Variants in ANKFN1 observed in about 807,000 individuals in gnomAD.
ANKFN1 encodes the protein ankyrin repeat and fibronectin type-III domain-containing protein 1.
Under a neutral mutation model 108.7 loss-of-function variants are expected in ANKFN1, and 74 were observed. That is an observed-to-expected ratio of 0.68 (90% confidence interval 0.56 to 0.83). ANKFN1 has a LOEUF of 0.83. Ranked by LOEUF, ANKFN1 falls within the 40% of genes least tolerant of loss-of-function variation. The pLI, the probability that ANKFN1 is intolerant of heterozygous loss-of-function variation, is 0.00. For missense variants in ANKFN1, 1,505 were observed against 1,382.3 expected, an observed-to-expected ratio of 1.09 and a Z score of -1.41; for synonymous variants, 547 against 516.2, an observed-to-expected ratio of 1.06 and a Z score of -0.81.
intron 4 of ANKFN1, among the ~76,000 whole-genome samples, chr17:56,120,823 T>G (rs1271581572): frequency 6.6e-6 from 1 of 152,170 alleles, no homozygotes; most frequent in Non-Finnish European, 1.5e-5. Flanking sequence ...AGTATGCTAT[T>G]TGTTCTTCCA....
chr17:56,482,633 A>C, intron 18 of ANKFN1, 109 bp downstream of exon 18: 1 of 1,355,442 alleles, frequency 7.4e-7, no homozygotes, highest in Non-Finnish European at 1.0e-6. Context: ...AAATCACATG[A>C]TGGCTTTGGC....
intron 11 of ANKFN1, among the ~76,000 whole-genome samples, chr17:56,451,683 A>G (rs1461353963): frequency 6.6e-6 from 1 of 152,152 alleles, no homozygotes; most frequent in Non-Finnish European, 1.5e-5. Flanking sequence ...CAGGATTGCT[A>G]TGAAGAGTAA....
chr17:56,187,538 A>G (rs1349453122), intron 1 of ANKFN1, among the ~76,000 whole-genome samples: 2 of 152,210 alleles, frequency 1.3e-5, no homozygotes, highest in South Asian at 2.1e-4. Flanking sequence ...TGATTCCTCA[A>G]GGATCTAGAA....
chr17:56,506,144 T>C (rs561553716), intron 20 of ANKFN1, among the ~76,000 whole-genome samples: 1 of 152,326 alleles, frequency 6.6e-6, no homozygotes, highest in South Asian at 2.1e-4. Context: ...ACATGCGCCA[T>C]GTTGGTGTGC....
Position 56,049,267 on chromosome 17 carries a change from A to C in ANKFN1, c.288+2942A>C, listed in dbSNP as rs183377709. 9.2e-5 allele frequency among the ~76,000 whole-genome samples: 14 copies of C among 152,354 alleles called. No individual in the cohort carries two copies. The South Asian group carries it at 1.5e-3, about 16-fold the overall frequency. ...TTCGCTAATGATTTGTGCAAAGGCC[A>C]AGAATGCCCAGTGGCAACCACACAG... is the stretch of plus-strand genomic sequence containing the variant. On this transcript the variant is annotated intron_variant, in intron 4 of 12. Coordinates refer to the ANKFN1 transcript ENST00000635860.
chr17:56,327,266 C>T (rs559734065), intron 4 of ANKFN1, among the ~76,000 whole-genome samples: 1 of 152,142 alleles, frequency 6.6e-6, no homozygotes, highest in Non-Finnish European at 1.5e-5. Context: ...TCCCCGCCCC[C>T]ACCAGTCTCC....
In ANKFN1 at chr17:56,516,183, G is replaced by C. The variant is rs770783344; in HGVS notation, c.*4914G>C. On this transcript the variant is annotated 3_prime_UTR_variant, in exon 21 of 21. Coordinates refer to ENST00000682825, the MANE Select transcript of ANKFN1 (RefSeq NM_001370326.1). ...GAGTCGCTGTATTGCCTCTTGCCTT[G>C]TGAAAATCAGATGTTTGGGGGTATC... Among the ~76,000 whole-genome samples, 2 of 152,020 alleles carry C rather than the reference G, an allele frequency of 1.3e-5. No individual in the cohort carries two copies. Among genetic ancestry groups the C allele is most frequent in the Non-Finnish European group, 2.9e-5 (2 of 68,002 alleles).
At chr17:56,272,715 T>G (rs913592199) in intron 3 of ANKFN1, among the ~76,000 whole-genome samples, 2 of 152,236 alleles carry the variant, frequency 1.3e-5, no homozygotes, top group African/African-American at 4.8e-5. Flanking sequence ...ATATTAATTC[T>G]ATTTTTAAGT....
chr17:56,096,512 T>C (rs1905537870), intron 4 of ANKFN1, among the ~76,000 whole-genome samples: 1 of 152,168 alleles, frequency 6.6e-6, no homozygotes, highest in Admixed American at 6.5e-5. Flanking sequence ...TGTTTGGTAG[T>C]AAATCTTTAC....
intron 3 of ANKFN1, among the ~76,000 whole-genome samples, chr17:56,284,561 T>C (rs569690580): frequency 1.3e-5 from 2 of 152,288 alleles, no homozygotes; most frequent in South Asian, 4.1e-4. Flanking sequence ...AAACAATATG[T>C]GATGGAAACC....
At chr17:56,170,799 TATATATATACAC>T (rs1214810722) in intron 1 of ANKFN1, among the ~76,000 whole-genome samples, 1 of 62,824 alleles carries the variant, frequency 1.6e-5, no homozygotes, top group African/African-American at 4.7e-5. Flanking sequence ...TATATATATA[TATATATATACAC>T]ACACACACAC....
At chr17:56,451,566 G>A (rs983369395) in intron 11 of ANKFN1, among the ~76,000 whole-genome samples, 5 of 152,072 alleles carry the variant, frequency 3.3e-5, no homozygotes, top group Non-Finnish European at 7.4e-5. Context: ...TAATATTTCA[G>A]ATTCCAATTC....
chr17:56,177,936 C>T (rs544538090), intron 1 of ANKFN1, among the ~76,000 whole-genome samples: 1 of 152,232 alleles, frequency 6.6e-6, no homozygotes, highest in Admixed American at 6.5e-5. Context: ...TAGGATTTCA[C>T]TGTCACTTGA....
chr17:56,104,050 C>A (rs1216445599), intron 4 of ANKFN1, among the ~76,000 whole-genome samples: 2 of 152,174 alleles, frequency 1.3e-5, no homozygotes, highest in Admixed American at 6.5e-5. Flanking sequence ...GCAGAGCAAG[C>A]CATTGATATC....
At chr17:56,268,046 A>C (rs542151521) in intron 3 of ANKFN1, among the ~76,000 whole-genome samples, 3 of 152,158 alleles carry the variant, frequency 2.0e-5, no homozygotes, top group Non-Finnish European at 4.4e-5. Context: ...ACTAACAAAG[A>C]TATTCAGGAC....
At chr17:56,214,606 T>C (rs567809005) in intron 2 of ANKFN1, among the ~76,000 whole-genome samples, 1 of 152,324 alleles carries the variant, frequency 6.6e-6, no homozygotes, top group East Asian at 1.9e-4. Context: ...CGTCATTCTT[T>C]CTTCAACTGC....
intron 8 of ANKFN1, among the ~76,000 whole-genome samples, chr17:56,434,378 C>CAA (rs58017155): frequency 1.1e-3 from 146 of 127,346 alleles, no homozygotes; most frequent in East Asian, 0.011. Context: ...TTTCTAGTGT[C>CAA]AAAAAAAAAA....
At chr17:56,141,993 C>T (rs1403001221) in intron 4 of ANKFN1, among the ~76,000 whole-genome samples, 1 of 135,084 alleles carries the variant, frequency 7.4e-6, no homozygotes, top group African/African-American at 2.9e-5. Context: ...TGCAATGGTG[C>T]AATCTTGGCC....
chr17:56,241,464 T>C (rs906943359), intron 3 of ANKFN1, among the ~76,000 whole-genome samples: 1 of 152,150 alleles, frequency 6.6e-6, no homozygotes, highest in African/African-American at 2.4e-5. Context: ...GCTTTCCATA[T>C]GTCTGGATCT....
Sources: allele counts gnomAD v4.1 joint callset (sites outside exome capture counted in the v4.1 genomes callset), GRCh38; gene constraint gnomAD v4.1.1; transcripts MANE v1.5; gene names NCBI Gene and HGNC (gene_info 2026-07-23, HGNC 2026-07-21).